Variants in P2RY14 observed in about 807,000 individuals in gnomAD.
P2RY14 encodes purinergic receptor P2Y14, also known as P2Y purinoceptor 14.
P2RY14 carries 2 observed loss-of-function variants against 0.9 expected under a neutral mutation model. The ratio of observed to expected loss-of-function variants is 2.16; its 90% confidence interval spans 0.88 to 6.79. The LOEUF is 6.79. Among genes scored for constraint, P2RY14 ranks in the 30% most tolerant of loss-of-function variants. The probability of loss-of-function intolerance (pLI) is 0.05; values close to 1 mark genes in which losing one functional copy is unlikely to be tolerated. For missense variants in P2RY14, 378 were observed against 400.1 expected (o/e 0.94, Z 0.47); for synonymous variants, 158 against 147.2 (o/e 1.07, Z -0.53).
chr3:151,241,208 T>C (rs1307998331), intron 1 of P2RY14, among the ~76,000 whole-genome samples: 1 of 152,242 alleles, frequency 6.6e-6, no homozygotes, highest in African/African-American at 2.4e-5. Flanking sequence ...ACTATATCTC[T>C]TTAGTTGGTT....
At chr3:151,237,353 T>TTC (rs1302598489) in intron 1 of P2RY14, among the ~76,000 whole-genome samples, 43 of 127,098 alleles carry the variant, frequency 3.4e-4, no homozygotes, top group Admixed American at 7.7e-5. Context: ...TTTTTTTCTT[T>TTC]TTTTTTTTTT....
At chr3:151,253,824 G>C (rs1737291052) in intron 1 of P2RY14, among the ~76,000 whole-genome samples, 1 of 152,024 alleles carries the variant, frequency 6.6e-6, no homozygotes, top group African/African-American at 2.4e-5. Context: ...TCCTTTTGCT[G>C]AGAGCAATCC....
At chr3:151,253,927 C>CT (rs949509373) in intron 1 of P2RY14, among the ~76,000 whole-genome samples, 17 of 150,246 alleles carry the variant, frequency 1.1e-4, no homozygotes, top group African/African-American at 3.4e-4. Flanking sequence ...ACCTCCACTA[C>CT]TTTTTTTTTC....
intron 1 of P2RY14, among the ~76,000 whole-genome samples, chr3:151,231,646 T>C (rs1356229051): frequency 6.6e-6 from 1 of 152,176 alleles, no homozygotes; most frequent in Non-Finnish European, 1.5e-5. Flanking sequence ...AGTCGTAGAT[T>C]AAAACAGGCC....
intron 1 of P2RY14, among the ~76,000 whole-genome samples, chr3:151,262,934 T>C (rs1263187012): frequency 6.6e-6 from 1 of 152,158 alleles, no homozygotes; most frequent in Non-Finnish European, 1.5e-5. Flanking sequence ...GACACGTAGC[T>C]GGTAAGGATT....
chr3:151,221,725 C>T (rs1423697695), intron 1 of P2RY14, among the ~76,000 whole-genome samples: 1 of 152,226 alleles, frequency 6.6e-6, no homozygotes. Context: ...GCCTGGATGT[C>T]CAGGCAGAAG....
intron 2 of P2RY14, among the ~76,000 whole-genome samples, chr3:151,216,561 A>G (rs927506787): frequency 1.3e-5 from 2 of 152,206 alleles, no homozygotes; most frequent in African/African-American, 4.8e-5. Context: ...TGGCAAAACT[A>G]GAAATATTGA....
intron 1 of P2RY14, among the ~76,000 whole-genome samples, chr3:151,245,898 A>T (rs1445386294): frequency 6.6e-6 from 1 of 151,808 alleles, no homozygotes; most frequent in Admixed American, 6.6e-5. Flanking sequence ...AATCTCCTTA[A>T]GCTGATAAGC....
At chr3:151,251,069 C>T (rs1736756389) in intron 1 of P2RY14, among the ~76,000 whole-genome samples, 2 of 152,180 alleles carry the variant, frequency 1.3e-5, no homozygotes, top group African/African-American at 2.4e-5. Flanking sequence ...TGACACTGTT[C>T]CCTCCATGAT....
At position 151,214,341 on chromosome 3, in the gene P2RY14, C is replaced by G; in HGVS notation, c.-24-1G>C. 6.2e-7 allele frequency: 1 copy of G among 1,600,138 alleles called. No individual in the cohort carries two copies. The highest frequency in any genetic ancestry group is 8.5e-7 in the Non-Finnish European group (1 of 1,172,648). On this transcript the variant is annotated splice_acceptor_variant, in intron 2 of 2. Coordinates refer to ENST00000309170, the MANE Select transcript of P2RY14 (RefSeq NM_014879.4). LOFTEE classifies it low-confidence loss of function (5UTR_SPLICE). ...TCTTGTAACTTCTGAAGGCAGAGGC[C>G]TGAAAAGAGGTGTGAACTGGTCACT...
intron 1 of P2RY14, among the ~76,000 whole-genome samples, chr3:151,250,379 AG>A (rs1204061645): frequency 5.9e-5 from 9 of 152,214 alleles, no homozygotes; most frequent in African/African-American, 2.2e-4. Context: ...ATGCATCTCT[AG>A]AACTGTTTTC....
At chr3:151,258,823 G>T (rs982805108) in intron 1 of P2RY14, among the ~76,000 whole-genome samples, 21 of 140,782 alleles carry the variant, frequency 1.5e-4, no homozygotes, top group African/African-American at 4.9e-4. Context: ...CTGCACTCCA[G>T]CCTGGGCGAC....
chr3:151,226,246 G>C (rs1235869122), intron 1 of P2RY14, among the ~76,000 whole-genome samples: 1 of 152,182 alleles, frequency 6.6e-6, no homozygotes, highest in Non-Finnish European at 1.5e-5. Context: ...GCTTTAGCTA[G>C]GCAAAGAAGA....
chr3:151,249,879 C>T (rs1057288803), intron 1 of P2RY14, among the ~76,000 whole-genome samples: 6 of 152,136 alleles, frequency 3.9e-5, no homozygotes, highest in African/African-American at 9.7e-5. Flanking sequence ...TCCTATACTC[C>T]GTCTACTTGA....
Position 151,213,482 on chromosome 3 carries a change from A to G in P2RY14, c.835T>C (p.Phe279Leu). The G allele has an allele frequency of 3.1e-6, 5 of 1,614,196 alleles. No individual in the cohort carries two copies. Among genetic ancestry groups the G allele is most frequent in the Non-Finnish European group, 4.2e-6 (5 of 1,180,026 alleles). The change falls in exon 3 of 3, where the codon TTC becomes CTC. Residue 279 changes from phenylalanine (F) to leucine (L), a missense_variant. Physicochemically the swap from Phe to Leu is conservative, Grantham distance 22 (BLOSUM62 0). Transcript: ENST00000309170. ...SKEILRYMKE[F>L]TLLLSAANVC... ...TTTGCAGCAGATAGTAGCAGAGTGAATTCTTTCATATACCGCAAGATTTCT... is the reference window on the plus strand; with the variant it reads ...TTTGCAGCAGATAGTAGCAGAGTGAGTTCTTTCATATACCGCAAGATTTCT...
At chr3:151,225,276 C>T (rs1730262912) in intron 1 of P2RY14, among the ~76,000 whole-genome samples, 1 of 152,150 alleles carries the variant, frequency 6.6e-6, no homozygotes, top group Non-Finnish European at 1.5e-5. Flanking sequence ...CTGCTTAGCT[C>T]CTGTGTTAGT....
chr3:151,275,767 C>G (rs1296883235), intron 1 of P2RY14, among the ~76,000 whole-genome samples: 1 of 152,114 alleles, frequency 6.6e-6, no homozygotes, highest in Non-Finnish European at 1.5e-5. Context: ...ACTTAGGAAG[C>G]TGAGAATTTA....
At chr3:151,224,524 TATTAC>T (rs1451650167) in intron 1 of P2RY14, among the ~76,000 whole-genome samples, 3 of 152,246 alleles carry the variant, frequency 2.0e-5, no homozygotes, top group Non-Finnish European at 4.4e-5. Flanking sequence ...ATAGTTGTGT[TATTAC>T]ATTTTATGTT....
Position 151,248,137 on chromosome 3 carries a change from A to G in P2RY14, c.-132-28495T>C, listed in dbSNP as rs150738688. Among the ~76,000 whole-genome samples, 10 of 152,138 alleles carry G rather than the reference A, an allele frequency of 6.6e-5. No homozygotes were observed. In the East Asian group the frequency reaches 1.9e-3, roughly 29 times the overall value. ...TGCCATCCACAAGTTAAAACAAAAA[A>G]TGCTATGAATGTTTGTTATTTAAAT... On this transcript the variant is annotated intron_variant, in intron 1 of 2. Transcript: ENST00000309170.
Sources: gnomAD v4.1 joint callset for allele counts (sites outside exome capture counted in the v4.1 genomes callset) on GRCh38, gnomAD v4.1.1 for gene constraint, MANE v1.5 for transcripts, NCBI Gene and HGNC (gene_info 2026-07-23, HGNC 2026-07-21) for gene names.